The following ARHGEF3 variants were observed in gnomAD, a reference collection of about 807,000 sequenced individuals.
ARHGEF3 encodes the protein 59.8 kDA protein.
Under a neutral mutation model 63.2 loss-of-function variants are expected in ARHGEF3, and 28 were observed. The observed-to-expected ratio is 0.44, with a 90% CI of 0.33 to 0.61. The LOEUF (loss-of-function observed/expected upper bound fraction) is 0.61, where lower values mean the gene tolerates loss of function less well. Ranked by LOEUF, ARHGEF3 falls within the 20% of genes least tolerant of loss-of-function variation. The pLI, the probability that ARHGEF3 is intolerant of heterozygous loss-of-function variation, is 0.03. For missense variants in ARHGEF3, 533 were observed against 659.3 expected (o/e 0.81, Z 2.10); for synonymous variants, 266 against 254.2 (o/e 1.05, Z -0.44).
chr3:56,856,119 G>A (rs564543401), intron 4 of ARHGEF3, among the ~76,000 whole-genome samples: 53 of 152,316 alleles, frequency 3.5e-4, no homozygotes, highest in African/African-American at 1.2e-3. Context: ...GAGATGTCTG[G>A]TAGGGGTCTG....
chr3:56,729,986 G>A (rs1236461768), intron 9 of ARHGEF3, among the ~76,000 whole-genome samples: 1 of 152,206 alleles, frequency 6.6e-6, no homozygotes, highest in Non-Finnish European at 1.5e-5. Flanking sequence ...CTCAGAGGCT[G>A]AAGTGGGAGC....
intron 4 of ARHGEF3, among the ~76,000 whole-genome samples, chr3:56,852,041 A>C (rs528017721): frequency 6.6e-6 from 1 of 152,312 alleles, no homozygotes; most frequent in Admixed American, 6.5e-5. Context: ...AGCCTCTGTT[A>C]TCTGACCCTT....
chr3:57,021,403 G>A (rs778638614), intron 2 of ARHGEF3, among the ~76,000 whole-genome samples: 4 of 152,128 alleles, frequency 2.6e-5, no homozygotes, highest in Non-Finnish European at 5.9e-5. Flanking sequence ...AAACATTAGC[G>A]CACTCCCACT....
At chr3:57,074,357 C>G (rs938490003) in intron 1 of ARHGEF3, 2 of 1,168,896 alleles carry the variant, frequency 1.7e-6, no homozygotes, top group Non-Finnish European at 2.5e-6. Flanking sequence ...CCCCCACCCC[C>G]ACCAGGGGTG....
At chr3:56,978,999 T>C (rs1173039519) in intron 2 of ARHGEF3, among the ~76,000 whole-genome samples, 1 of 151,936 alleles carries the variant, frequency 6.6e-6, no homozygotes, top group Non-Finnish European at 1.5e-5. Context: ...CTACAAAAAA[T>C]AAAAAAATTA....
At chr3:56,954,484 C>G (rs950633259) in intron 3 of ARHGEF3, among the ~76,000 whole-genome samples, 2 of 152,186 alleles carry the variant, frequency 1.3e-5, no homozygotes, top group African/African-American at 4.8e-5. Context: ...CCTCTCTCAG[C>G]CTTCTCATTC....
At chr3:56,936,475 C>T (rs1010963731) in intron 3 of ARHGEF3, among the ~76,000 whole-genome samples, 1 of 152,240 alleles carries the variant, frequency 6.6e-6, no homozygotes, top group Admixed American at 6.5e-5. Context: ...TCTGAGCTCT[C>T]ATCAGCGTCT....
At chr3:56,981,080 G>A (rs570556510) in intron 2 of ARHGEF3, among the ~76,000 whole-genome samples, 6 of 152,314 alleles carry the variant, frequency 3.9e-5, no homozygotes, top group African/African-American at 1.2e-4. Flanking sequence ...AGTCGCCAAG[G>A]AGCAATCCCT....
At chr3:56,865,236 C>A (rs1193018311) in intron 4 of ARHGEF3, among the ~76,000 whole-genome samples, 1 of 152,156 alleles carries the variant, frequency 6.6e-6, no homozygotes, top group Non-Finnish European at 1.5e-5. Flanking sequence ...GAGGGAACAT[C>A]ATCAAGGCAC....
chr3:57,023,531 G>A (rs1428783765), intron 2 of ARHGEF3, among the ~76,000 whole-genome samples: 1 of 149,382 alleles, frequency 6.7e-6, no homozygotes, highest in Non-Finnish European at 1.5e-5. Context: ...CACTTCAGTG[G>A]CCTCTTGGGA....
chr3:56,934,769 C>T lies in ARHGEF3; in HGVS notation c.129+24054G>A, dbSNP rs1479823196. 3.9e-5 allele frequency among the ~76,000 whole-genome samples: 6 copies of T among 152,356 alleles called. No individual in the cohort carries two copies. The South Asian group carries it at 6.2e-4, about 16-fold the overall frequency. ...CCCACCCACTCCATGGGCTCCTGTG[C>T]GGCCCCAGCCTCCCCGACGAGCGCC... On this transcript the variant is annotated intron_variant, in intron 3 of 12. Transcript: ENST00000338458.
At chr3:56,886,811 G>A (rs886708343) in intron 3 of ARHGEF3, among the ~76,000 whole-genome samples, 1 of 152,132 alleles carries the variant, frequency 6.6e-6, no homozygotes, top group African/African-American at 2.4e-5. Context: ...GGAGATGAAG[G>A]CTCAAAAAGG....
rs527239856 is a variant in ARHGEF3 at position 56,914,959 on chromosome 3, T to A, written c.130-32605A>T. On this transcript the variant is annotated intron_variant, in intron 3 of 12. Coordinates refer to the ARHGEF3 transcript ENST00000338458. ...CACAACATTATGAATGTATTTAATA[T>A]CACAAAACTATATACTTAAAATAGT... 2.0e-5 allele frequency among the ~76,000 whole-genome samples: 3 copies of A among 152,174 alleles called. No individual in the cohort carries two copies. The East Asian group carries it at 5.8e-4, about 29-fold the overall frequency.
chr3:56,748,044 C>A (rs1429933507), intron 6 of ARHGEF3, among the ~76,000 whole-genome samples: 1 of 152,200 alleles, frequency 6.6e-6, no homozygotes, highest in Non-Finnish European at 1.5e-5. Flanking sequence ...CCAAGAAGTT[C>A]TTTGTTTTCG....
intron 7 of ARHGEF3, among the ~76,000 whole-genome samples, chr3:56,743,344 G>A (rs542824398): frequency 1.3e-5 from 2 of 152,160 alleles, no homozygotes; most frequent in Non-Finnish European, 2.9e-5. Flanking sequence ...CAATTACAAA[G>A]GCAACAGAAA....
intron 4 of ARHGEF3, among the ~76,000 whole-genome samples, chr3:56,838,261 C>T: frequency 6.6e-6 from 1 of 152,110 alleles, no homozygotes; most frequent in Admixed American, 6.5e-5. Context: ...TTACATAGAT[C>T]AATGTTTACC....
intron 3 of ARHGEF3, among the ~76,000 whole-genome samples, chr3:56,950,695 T>C (rs1699762173): frequency 6.6e-6 from 1 of 151,958 alleles, no homozygotes; most frequent in South Asian, 2.1e-4. Context: ...TGTAAACTAG[T>C]CCAACCATTG....
chr3:56,994,104 C>G (rs1206259124), intron 2 of ARHGEF3, among the ~76,000 whole-genome samples: 1 of 102,612 alleles, frequency 9.7e-6, no homozygotes, highest in African/African-American at 3.5e-5. Flanking sequence ...TAGATTATAA[C>G]ACACAATCTA....
At chr3:56,973,866 G>A (rs1701022856) in intron 2 of ARHGEF3, among the ~76,000 whole-genome samples, 3 of 152,300 alleles carry the variant, frequency 2.0e-5, no homozygotes, top group Admixed American at 2.0e-4. Context: ...GTCCACCGAA[G>A]TCATTAAAAT....
Sources: gnomAD v4.1 joint callset for allele counts (sites outside exome capture counted in the v4.1 genomes callset) on GRCh38, gnomAD v4.1.1 for gene constraint, MANE v1.5 for transcripts, NCBI Gene and HGNC (gene_info 2026-07-23, HGNC 2026-07-21) for gene names.